The following COBL variants were observed in gnomAD, a reference collection of about 807,000 sequenced individuals.
COBL encodes the protein protein cordon-bleu.
In COBL, 51 loss-of-function variants were observed where a neutral mutation model predicts 98.8. The ratio of observed to expected loss-of-function variants is 0.52; its 90% CI spans 0.41 to 0.65. The LOEUF is 0.65. Ranked by LOEUF, COBL falls within the 30% of genes least tolerant of loss-of-function variation. The probability of loss-of-function intolerance (pLI) is 0.00; values close to 1 mark genes in which losing one functional copy is unlikely to be tolerated. For synonymous variants in COBL, 634 were observed against 651.7 expected (o/e 0.97, Z 0.41); for missense variants, 1,617 against 1,617.5 (o/e 1.00, Z 0.01).
intron 7 of COBL, among the ~76,000 whole-genome samples, chr7:51,077,800 T>C (rs1209055983): frequency 6.6e-6 from 1 of 152,196 alleles, no homozygotes; most frequent in Admixed American, 6.5e-5. Context: ...ATGAGAAGTG[T>C]AGGTGGAGGC....
chr7:51,088,597 G>C (rs372217375), intron 6 of COBL, among the ~76,000 whole-genome samples: 1 of 152,126 alleles, frequency 6.6e-6, no homozygotes, highest in African/African-American at 2.4e-5. Flanking sequence ...CTTTCCTCCA[G>C]CATCCTTTCT....
intron 5 of COBL, chr7:51,156,677 C>A: frequency 1.5e-6 from 1 of 672,936 alleles, no homozygotes; most frequent in Non-Finnish European, 1.8e-6. Flanking sequence ...TTCCAATGTA[C>A]AGTCAATAAA....
intron 5 of COBL, 74 bp from the exon 6 acceptor site, chr7:51,136,405 G>A: frequency 1.4e-6 from 2 of 1,456,258 alleles, no homozygotes; most frequent in South Asian, 2.7e-5. Context: ...CTCACATGAA[G>A]ACAAAGTTCC....
chr7:51,042,574 C>T (rs536499132), intron 8 of COBL, among the ~76,000 whole-genome samples: 5 of 151,850 alleles, frequency 3.3e-5, no homozygotes, highest in South Asian at 4.2e-4. Flanking sequence ...ATTGACCATG[C>T]TGGTCTTGAA....
chr7:51,234,918 G>A (rs924748217), intron 1 of COBL, among the ~76,000 whole-genome samples: 2 of 152,046 alleles, frequency 1.3e-5, no homozygotes, highest in African/African-American at 2.4e-5. Context: ...TAGAGGAGGT[G>A]AGGGAGGGAG....
chr7:51,255,603 G>T (rs1484333136), intron 1 of COBL, among the ~76,000 whole-genome samples: 1 of 152,198 alleles, frequency 6.6e-6, no homozygotes, highest in Non-Finnish European at 1.5e-5. Context: ...AGGGGACTGA[G>T]CATACTCTAG....
chr7:51,156,625 G>T, intron 5 of COBL: 1 of 976,868 alleles, frequency 1.0e-6, no homozygotes, highest in African/African-American at 1.8e-5. Flanking sequence ...CAAATATTGA[G>T]AAATAGCTAG....
intron 7 of COBL, chr7:51,065,191 C>T (rs957817373): frequency 2.8e-6 from 2 of 703,200 alleles, no homozygotes; most frequent in Admixed American, 2.0e-5. Flanking sequence ...AGGTAAGACA[C>T]AAGATGGGTT....
intron 1 of COBL, among the ~76,000 whole-genome samples, chr7:51,310,162 C>T (rs11764033): frequency 0.34 from 52,080 of 152,118 alleles, 9,981 homozygotes; most frequent in South Asian, 0.45. Flanking sequence ...ACTCAGCTCC[C>T]AGTTGCAATA....
chr7:51,295,504 T>A (rs532644188), intron 1 of COBL, among the ~76,000 whole-genome samples: 2 of 152,242 alleles, frequency 1.3e-5, no homozygotes, highest in African/African-American at 2.4e-5. Context: ...TGCCTAGATA[T>A]GTAGTACAGA....
intron 1 of COBL, among the ~76,000 whole-genome samples, chr7:51,243,777 G>A (rs945035400): frequency 2.6e-5 from 4 of 152,084 alleles, no homozygotes; most frequent in Admixed American, 2.6e-4. Flanking sequence ...CCTGAAAGGG[G>A]GTAGAGGGAG....
intron 6 of COBL, among the ~76,000 whole-genome samples, chr7:51,122,892 T>C (rs1797866144): frequency 6.6e-6 from 1 of 151,196 alleles, no homozygotes; most frequent in South Asian, 2.1e-4. Flanking sequence ...TGCAGGAGAA[T>C]CGCTTGAACC....
intron 7 of COBL, among the ~76,000 whole-genome samples, chr7:51,067,852 G>GGAA (rs2128919573): frequency 6.6e-6 from 1 of 152,350 alleles, no homozygotes; most frequent in African/African-American, 2.4e-5. Flanking sequence ...GATAATCAGG[G>GGAA]TTCCCCCTGG....
chr7:51,173,611 C>T lies in COBL; in HGVS notation c.783+10491G>A, dbSNP rs1788088376. ...ATATTTCTTTCTATTGTACCAAAAT[C>T]ATCTGGTGCAATTGGAAAATTCAAT... On this transcript the variant is annotated intron_variant, in intron 5 of 12. Coordinates refer to ENST00000265136, the MANE Select transcript of COBL (RefSeq NM_015198.5). Among the ~76,000 whole-genome samples, 3 of 152,128 alleles carry T rather than the reference C, an allele frequency of 2.0e-5. No individual in the cohort carries two copies. In the South Asian group the frequency reaches 6.2e-4, roughly 32 times the overall value.
At chr7:51,175,584 G>A (rs1788289405) in intron 5 of COBL, among the ~76,000 whole-genome samples, 1 of 152,300 alleles carries the variant, frequency 6.6e-6, no homozygotes, top group Admixed American at 6.5e-5. Flanking sequence ...TTTCCTCAGT[G>A]GGTATCTCTT....
intron 6 of COBL, among the ~76,000 whole-genome samples, chr7:51,099,366 A>C (rs2128960654): frequency 6.6e-6 from 1 of 152,362 alleles, no homozygotes; most frequent in African/African-American, 2.4e-5. Flanking sequence ...ATAAATATCT[A>C]TTGATGGATG....
At chr7:51,309,921 C>T (rs1802851762) in intron 1 of COBL, among the ~76,000 whole-genome samples, 1 of 152,136 alleles carries the variant, frequency 6.6e-6, no homozygotes, top group African/African-American at 2.4e-5. Context: ...TCTCAGAAGG[C>T]CTCCTGGGGG....
At chr7:51,270,309 G>A (rs1272841134) in intron 1 of COBL, among the ~76,000 whole-genome samples, 3 of 152,142 alleles carry the variant, frequency 2.0e-5, no homozygotes, top group South Asian at 2.1e-4. Flanking sequence ...TGGTAGTTCC[G>A]TTCAAGAAAG....
Position 51,136,322 on chromosome 7 carries a change from T to A in COBL, c.793A>T (p.Thr265Ser). 1 of 1,612,594 alleles carries A rather than the reference T, an allele frequency of 6.2e-7. No individual in the cohort carries two copies. The highest frequency in any genetic ancestry group is 8.5e-7 in the Non-Finnish European group (1 of 1,179,554). The change falls in exon 6 of 13, where the codon ACG (threonine) becomes TCG (serine). Residue 265 changes from threonine (T) to serine (S), a missense_variant. Around this residue, in one of 3 missense-constraint regions of COBL, gnomAD observed 1,304 missense variants for 1,282.0 expected, o/e 1.02. Coordinates refer to ENST00000265136, the MANE Select transcript of COBL (RefSeq NM_015198.5). Reference sequence around the variant, plus strand: ...TGCATGGATGGGGAGTTGGGGGTCGTTAAACAGCCCTGTTGGGGAAGAGAC... The same window carrying A: ...TGCATGGATGGGGAGTTGGGGGTCGATAAACAGCCCTGTTGGGGAAGAGAC... ...NKRSNSKGCL[T>S]TPNSPSMHSR...
Sources: gnomAD v4.1 joint callset for allele counts (sites outside exome capture counted in the v4.1 genomes callset) on GRCh38, gnomAD v4.1.1 for gene constraint, gnomAD v4.1.1 regional missense constraint, MANE v1.5 for transcripts, NCBI Gene and HGNC (gene_info 2026-07-23, HGNC 2026-07-21) for gene names.